CDADC1: variants seen among roughly 807,000 people sequenced by gnomAD.
CDADC1 encodes the protein cytidine and dCMP deaminase domain containing 1.
Under a neutral mutation model 54.9 loss-of-function variants are expected in CDADC1, and 39 were observed. The observed-to-expected ratio is 0.71, with a 90% confidence interval of 0.55 to 0.93. CDADC1 has a LOEUF of 0.93. Ranked by LOEUF, CDADC1 falls within the 40% of genes least tolerant of loss-of-function variation. CDADC1 has a pLI of 0.00. For synonymous variants in CDADC1, 186 were observed against 204.0 expected (o/e 0.91, Z 0.75); for missense variants, 518 against 618.8 (o/e 0.84, Z 1.73).
rs779925000 is a variant in CDADC1, at chr13:49,291,773, C to T, written c.*16C>T. 1.2e-6 allele frequency: 2 copies of T among 1,608,798 alleles called. No individual in the cohort carries two copies. Among genetic ancestry groups the T allele is most frequent in the Admixed American group, 3.4e-5 (2 of 58,384 alleles). On this transcript the variant is annotated 3_prime_UTR_variant, in exon 10 of 10. Transcript: ENST00000251108. ...AATCCACTAAGAAGGCCTGTCTACA[C>T]TGCAGGGGAACCTCAAGAACTTTTC...
chr13:49,272,729 C>T (rs143078584), intron 5 of CDADC1, among the ~76,000 whole-genome samples: 39 of 147,966 alleles, frequency 2.6e-4, no homozygotes, highest in African/African-American at 8.8e-4. Context: ...ACGATCTCAA[C>T]TCACTGCAAC....
Position 49,293,462 on chromosome 13 carries a change from CAATA to C in CDADC1, c.*1711_*1714del, listed in dbSNP as rs910771684. ...TTCTTCTGTACAACTGGTCAGATTTCAATAAATAATCATTGATGGTTTACTGTGT... is the reference window on the plus strand; with the variant it reads ...TTCTTCTGTACAACTGGTCAGATTTCAATAATCATTGATGGTTTACTGTGT... On this transcript the variant is annotated 3_prime_UTR_variant, in exon 10 of 10. Coordinates refer to ENST00000251108, the MANE Select transcript of CDADC1 (RefSeq NM_030911.4). The C allele has an allele frequency of 5.9e-5, 9 of 151,888 alleles. No individual in the cohort carries two copies. The highest frequency in any genetic ancestry group is 1.7e-4 in the African/African-American group (7 of 41,318). The allele number at this position is 151,888 out of a possible 1,614,324, so 9.4% of individuals were successfully genotyped here. A position where few individuals can be genotyped will look rare whatever the true frequency, so the allele number is the denominator to read the frequency against.
chr13:49,265,740 A>G, intron 4 of CDADC1: 1 of 491,330 alleles, frequency 2.0e-6, no homozygotes, highest in East Asian at 9.4e-5. Flanking sequence ...CCACATAAAT[A>G]AAAGCTTTTT....
chr13:49,292,926 G>A lies in CDADC1; in HGVS notation c.*1169G>A, dbSNP rs1566385947. The A allele has an allele frequency of 2.0e-5, 10 of 497,980 alleles. No individual in the cohort carries two copies. Among genetic ancestry groups the A allele is most frequent in the South Asian group, 1.4e-4 (7 of 49,388 alleles). 30.8% of individuals were successfully genotyped at this position (497,980 alleles called of 1,614,324 possible). On this transcript the variant is annotated 3_prime_UTR_variant, in exon 10 of 10. Coordinates refer to ENST00000251108, the MANE Select transcript of CDADC1 (RefSeq NM_030911.4). Reference sequence around the variant, plus strand: ...ACCAGTTTCTCAGAATTACACGCACGACCATCCAAACATTGGCTCCATGCC... The same window carrying A: ...ACCAGTTTCTCAGAATTACACGCACAACCATCCAAACATTGGCTCCATGCC...
At chr13:49,284,567 C>A (rs530881750) in intron 8 of CDADC1, among the ~76,000 whole-genome samples, 3 of 152,074 alleles carry the variant, frequency 2.0e-5, no homozygotes, top group Non-Finnish European at 2.9e-5. Context: ...AGTGGTTTGA[C>A]GTCTTTCAAA....
intron 9 of CDADC1, 55 bp from the exon 10 acceptor site, chr13:49,291,629 G>A (rs1953708335): frequency 7.0e-6 from 11 of 1,563,524 alleles, no homozygotes; most frequent in Middle Eastern, 3.4e-4. Flanking sequence ...GCTGAAACAA[G>A]TGCCCATGGG....
rs552732351 is a variant in CDADC1, at chr13:49,283,950, A to G, written c.1411-2272A>G. On this transcript the variant is annotated intron_variant, in intron 8 of 9. Transcript: ENST00000251108. ...AGAATTTGTTCTAAATCTGAATTTC[A>G]GTACCAAGATTATCAAAAATAGTGT... 1.2e-4 allele frequency among the ~76,000 whole-genome samples: 18 copies of G among 152,390 alleles called. No individual in the cohort carries two copies. In the South Asian group the frequency reaches 3.5e-3, roughly 30 times the overall value.
intron 4 of CDADC1, among the ~76,000 whole-genome samples, chr13:49,261,114 G>A (rs1490701272): frequency 6.6e-6 from 1 of 152,174 alleles, no homozygotes; most frequent in Non-Finnish European, 1.5e-5. Context: ...TAGAGCCTTT[G>A]GACTTTATCT....
Position 49,292,127 on chromosome 13 carries a change from A to G in CDADC1, c.*370A>G. ...GGGAATCACACACCTTTTGAGAAAT[A>G]TTAATTCTTTTGAATTACAAGAGTG... On this transcript the variant is annotated 3_prime_UTR_variant, in exon 10 of 10. Transcript: ENST00000251108. 2.9e-6 allele frequency: 3 copies of G among 1,019,128 alleles called. No homozygotes were observed. The highest frequency in any genetic ancestry group is 3.5e-6 in the Non-Finnish European group (3 of 849,390). 63.1% of individuals were successfully genotyped at this position (1,019,128 alleles called of 1,614,324 possible). A position where few individuals can be genotyped will look rare whatever the true frequency, so the allele number is the denominator to read the frequency against.
rs1182289178 is a variant in CDADC1 at position 49,248,701 on chromosome 13, G to GGCTGAAGCGTCTACT, written c.83-166_83-152dup. Among the ~76,000 whole-genome samples, 158 of 152,320 alleles carry GGCTGAAGCGTCTACT rather than the reference G, an allele frequency of 1.0e-3. 1 individual carries two copies. Among genetic ancestry groups the GGCTGAAGCGTCTACT allele is most frequent in the African/African-American group, 3.6e-3 (151 of 41,570 alleles). On this transcript the variant is annotated intron_variant, in intron 1 of 9. Coordinates refer to ENST00000251108, the MANE Select transcript of CDADC1 (RefSeq NM_030911.4). ...TGGAGAAGGAGGTAGCCACGACTAA[G>GGCTGAAGCGTCTACT]GCTGAAGCGTCTACTGCTAAGATAC...
Position 49,248,162 on chromosome 13 carries a change from C to G in CDADC1, c.82+43C>G, listed in dbSNP as rs1306722615. 5 of 1,470,604 alleles carry G rather than the reference C, an allele frequency of 3.4e-6. No individual in the cohort carries two copies. In the East Asian group the frequency reaches 9.9e-5, roughly 29 times the overall value. 91.1% of individuals were successfully genotyped at this position (1,470,604 alleles called of 1,614,324 possible). On this transcript the variant is annotated intron_variant, in intron 1 of 9. Coordinates refer to ENST00000251108, the MANE Select transcript of CDADC1 (RefSeq NM_030911.4). ...TGCTCCCGCCACCCTACCTTTCGCT[C>G]TGCCCTGTGCGTCTCCCGTCATTGA...
intron 4 of CDADC1, chr13:49,265,969 G>A (rs1376840421): frequency 1.5e-6 from 2 of 1,299,812 alleles, no homozygotes; most frequent in Non-Finnish European, 2.0e-6. Context: ...CAGAGGGAAG[G>A]TGAAATGCAA....
Position 49,280,650 on chromosome 13 carries a change from C to T in CDADC1, c.1362C>T (p.Asp454=). 1 of 1,601,396 alleles carries T rather than the reference C, an allele frequency of 6.2e-7. No individual in the cohort carries two copies. The highest frequency in any genetic ancestry group is 8.5e-7 in the Non-Finnish European group (1 of 1,175,076). The change falls in exon 8 of 10, where the codon GAC becomes GAT. Residue 454 remains aspartate (D), a synonymous_variant. Coordinates refer to ENST00000251108, the MANE Select transcript of CDADC1 (RefSeq NM_030911.4). ...GDVDVGKKKA[D]ISYMRFGELE... ...TAGATGTTGGAAAAAAGAAGGCAGACATCTCTTACATGAGGTTCGGGGAGC... is the reference window on the plus strand; with the variant it reads ...TAGATGTTGGAAAAAAGAAGGCAGATATCTCTTACATGAGGTTCGGGGAGC...
intron 2 of CDADC1, among the ~76,000 whole-genome samples, chr13:49,249,550 A>G (rs963601684): frequency 1.3e-5 from 2 of 152,164 alleles, no homozygotes; most frequent in African/African-American, 4.8e-5. Context: ...CCTGGGCAAC[A>G]TAGTGAAACC....
At chr13:49,269,064 A>G (rs907098011) in intron 5 of CDADC1, among the ~76,000 whole-genome samples, 1 of 152,202 alleles carries the variant, frequency 6.6e-6, no homozygotes, top group Non-Finnish European at 1.5e-5. Flanking sequence ...GGGAAAAAAC[A>G]TAGACAGGAG....
intron 9 of CDADC1, among the ~76,000 whole-genome samples, chr13:49,288,731 A>AGGC (rs1221134953): frequency 9.3e-4 from 142 of 152,306 alleles, no homozygotes; most frequent in Non-Finnish European, 1.7e-3. Flanking sequence ...TAGCAGGGAC[A>AGGC]AACAGAGAAG....
chr13:49,247,965 G>T lies in CDADC1; in HGVS notation c.-73G>T. The T allele has an allele frequency of 7.3e-7, 1 of 1,374,206 alleles. No individual in the cohort carries two copies. Among genetic ancestry groups the T allele is most frequent in the Non-Finnish European group, 1.0e-6 (1 of 987,574 alleles). The allele number at this position is 1,374,206 out of a possible 1,614,324, so 85.1% of individuals were successfully genotyped here. ...TACAGTTGCTGAGAGGAGGCGAGAG[G>T]CGGGGGCGCTAGGGCCGAGATCATG... On this transcript the variant is annotated 5_prime_UTR_variant, in exon 1 of 10. Coordinates refer to ENST00000251108, the MANE Select transcript of CDADC1 (RefSeq NM_030911.4).
At position 49,291,830 on chromosome 13, in the gene CDADC1, C is replaced by G. The variant is rs762360524; in HGVS notation, c.*73C>G. ...CTTCTAAAATTCAGCCTTGTTCATT[C>G]AGAAAATAAGGATGGATTTTGTGAA... On this transcript the variant is annotated 3_prime_UTR_variant, in exon 10 of 10. Transcript: ENST00000251108. The G allele has an allele frequency of 1.7e-5, 26 of 1,547,554 alleles. No homozygotes were observed. Among genetic ancestry groups the G allele is most frequent in the Non-Finnish European group, 2.2e-5 (25 of 1,148,398 alleles).
At chr13:49,274,985 TTAA>T (rs1301142545) in intron 6 of CDADC1, among the ~76,000 whole-genome samples, 2 of 152,160 alleles carry the variant, frequency 1.3e-5, no homozygotes, top group East Asian at 1.9e-4. Context: ...GTGAATATTA[TTAA>T]TGTTACTAAT....
Sources: gnomAD v4.1 joint callset for allele counts (sites outside exome capture counted in the v4.1 genomes callset) on GRCh38, gnomAD v4.1.1 for gene constraint, MANE v1.5 for transcripts, NCBI Gene and HGNC (gene_info 2026-07-23, HGNC 2026-07-21) for gene names.